The following SF3A3 variants were observed in gnomAD, a reference collection of about 807,000 sequenced individuals.
The protein encoded by SF3A3 is splicing factor 3a subunit 3.
In SF3A3, 9 loss-of-function variants were observed where a neutral mutation model predicts 85.8. The observed-to-expected ratio is 0.10, with a 90% CI of 0.06 to 0.18. The LOEUF is 0.18. Among genes scored for constraint, SF3A3 ranks in the 10% least tolerant of loss-of-function variants. The probability of loss-of-function intolerance (pLI) is 1.00; values close to 1 mark genes in which losing one functional copy is unlikely to be tolerated. For missense variants in SF3A3, 306 were observed against 593.3 expected (o/e 0.52, Z 5.03); for synonymous variants, 195 against 204.4 (o/e 0.95, Z 0.39).
At chr1:37,970,053 C>T (rs1646327813) in intron 12 of SF3A3, among the ~76,000 whole-genome samples, 1 of 152,046 alleles carries the variant, frequency 6.6e-6, no homozygotes, top group Admixed American at 6.6e-5. Flanking sequence ...GCCTGTAATC[C>T]CATCACTTTT....
intron 15 of SF3A3, among the ~76,000 whole-genome samples, chr1:37,964,048 G>A (rs529159038): frequency 1.5e-4 from 23 of 151,788 alleles, no homozygotes; most frequent in Admixed American, 7.2e-4. Context: ...GTGTGGTGGC[G>A]CACGCCTGTA....
At chr1:37,972,970 C>T (rs1432339604) in intron 12 of SF3A3, among the ~76,000 whole-genome samples, 6 of 152,122 alleles carry the variant, frequency 3.9e-5, no homozygotes, top group Admixed American at 1.3e-4. Context: ...CACCTGAGGT[C>T]GGGAGTTCGA....
chr1:37,986,990 CAG>C lies in SF3A3; in HGVS notation c.303+581_303+582del, dbSNP rs1237826421. On this transcript the variant is annotated intron_variant, in intron 4 of 16. Transcript: ENST00000373019. ...GAGCCATGGAGCAAAGATTATTCAT[CAG>C]AGGAGTCTCAGAGTGGACCAAATTG... 2.0e-5 allele frequency among the ~76,000 whole-genome samples: 3 copies of C among 152,128 alleles called. No homozygotes were observed. The South Asian group carries it at 6.2e-4, about 32-fold the overall frequency.
At chr1:37,960,028 C>T (rs1369621248) in intron 16 of SF3A3, 92 bp downstream of exon 16, 5 of 918,042 alleles carry the variant, frequency 5.4e-6, no homozygotes, top group South Asian at 4.1e-5. Flanking sequence ...TGCTGCAGTA[C>T]ACCAGGGACC....
At chr1:37,974,817 A>G (rs1418521443) in intron 12 of SF3A3, among the ~76,000 whole-genome samples, 1 of 152,138 alleles carries the variant, frequency 6.6e-6, no homozygotes, top group East Asian at 1.9e-4. Context: ...CCTCCCTCAT[A>G]AGCCATATTC....
Position 37,957,085 on chromosome 1 carries a change from G to A in SF3A3, c.*1101C>T, listed in dbSNP as rs1646222945. 2 of 152,194 alleles carry A rather than the reference G, an allele frequency of 1.3e-5. No homozygotes were observed. Among genetic ancestry groups the A allele is most frequent in the African/African-American group, 4.8e-5 (2 of 41,440 alleles). 9.4% of individuals were successfully genotyped at this position (152,194 alleles called of 1,614,324 possible). On this transcript the variant is annotated 3_prime_UTR_variant, in exon 17 of 17. Transcript: ENST00000373019. ...CAGCAGGCCTGACTTTCAGATGACT[G>A]TGCTTATAAGGCAGATCAGTGCCTT... is the stretch of plus-strand genomic sequence containing the variant.
In SF3A3 at chr1:37,981,540, A is replaced by G. The variant is rs376662847; in HGVS notation, c.551+189T>C. Among the ~76,000 whole-genome samples the G allele has an allele frequency of 7.2e-5, 11 of 152,278 alleles. No homozygotes were observed. In the East Asian group the frequency reaches 1.2e-3, roughly 16 times the overall value. On this transcript the variant is annotated intron_variant, in intron 7 of 16. Transcript: ENST00000373019. The stretch of plus-strand genomic sequence containing the variant: ...AGATGGAAGATGTGCCCACAGACAC[A>G]CCTTTGTCCACGTCCAGACTATCGC...
chr1:37,960,061 G>C lies in SF3A3; in HGVS notation c.1428+59C>G, dbSNP rs938847165. The C allele has an allele frequency of 2.2e-6, 3 of 1,375,862 alleles. No homozygotes were observed. The African/African-American group carries it at 4.3e-5, about 20-fold the overall frequency. The allele number at this position is 1,375,862 out of a possible 1,614,324, so 85.2% of individuals were successfully genotyped here. ...ACCATCTTTCACCTCCTTTCTACAT[G>C]GTGAGGGAGCTCTCTATCACTTGAC... On this transcript the variant is annotated intron_variant, in intron 16 of 16. Transcript: ENST00000373019.
chr1:37,981,871 C>T, intron 6 of SF3A3, 60 bp from the exon 7 acceptor site: 1 of 936,788 alleles, frequency 1.1e-6, no homozygotes, highest in Non-Finnish European at 1.7e-6. Context: ...TAACAAGTTA[C>T]AATATAATCT....
In SF3A3 at chr1:37,980,608, T is replaced by C; in HGVS notation, c.668A>G (p.Asn223Ser). The change falls in exon 8 of 17, where the codon AAT (asparagine) becomes AGT (serine). Residue 223 changes from asparagine to serine, a missense_variant. This residue lies in a region of SF3A3 where 136 missense variants were observed against 296.6 expected (regional missense o/e 0.46). Transcript: ENST00000373019. ...IQAEFEKKWENGTFPGWPKET... is the reference protein window; with the variant it reads ...IQAEFEKKWESGTFPGWPKET... ...CACCGGCCATCCAGGAAAGGTCCCA[T>C]TCTCCCATTTCTTCTCAAACTCAGC... The C allele has an allele frequency of 6.2e-7, 1 of 1,613,990 alleles. No homozygotes were observed. The highest frequency in any genetic ancestry group is 1.1e-5 in the South Asian group (1 of 91,076).
chr1:37,990,007 G>A lies in SF3A3; in HGVS notation c.-42C>T, dbSNP rs1036597743. The A allele has an allele frequency of 2.0e-6, 3 of 1,480,344 alleles. No homozygotes were observed. The highest frequency in any genetic ancestry group is 2.3e-5 in the East Asian group (1 of 44,226). 91.7% of individuals were successfully genotyped at this position (1,480,344 alleles called of 1,614,324 possible). On this transcript the variant is annotated 5_prime_UTR_variant, in exon 1 of 17. Coordinates refer to ENST00000373019, the MANE Select transcript of SF3A3 (RefSeq NM_006802.4). ...CTTCTCAATTCAGACCACCAACACG[G>A]CCGGAAGCAACTCCTGCCGCCCAGC...
chr1:37,983,203 G>T (rs1015630135), intron 6 of SF3A3, among the ~76,000 whole-genome samples: 1 of 148,652 alleles, frequency 6.7e-6, no homozygotes, highest in Non-Finnish European at 1.5e-5. Flanking sequence ...CTCCCAAAGT[G>T]CTAGGATTAC....
At chr1:37,983,699 C>T (rs1239873995) in intron 6 of SF3A3, among the ~76,000 whole-genome samples, 2 of 150,806 alleles carry the variant, frequency 1.3e-5, no homozygotes, top group Non-Finnish European at 2.9e-5. Flanking sequence ...CTGTGGGAGG[C>T]CGAGACAGGA....
rs1330941754 is a variant in SF3A3, at chr1:37,984,762, T to C, written c.321A>G (p.Ser107=). Residue 107 remains serine (S), a synonymous_variant, in exon 5 of 17, where the codon TCA becomes TCG. Coordinates refer to ENST00000373019, the MANE Select transcript of SF3A3 (RefSeq NM_006802.4). Reference sequence around the variant, plus strand: ...CCTTCAGGAGTTCCTCAAATTCCACTGACATTGGCACACAGATCTGAGGGG... The same window carrying C: ...CCTTCAGGAGTTCCTCAAATTCCACCGACATTGGCACACAGATCTGAGGGG... ...KHPNEICVPM[S]VEFEELLKAR... is the part of the protein sequence containing the mutation. 9.9e-6 allele frequency: 16 copies of C among 1,613,786 alleles called. No individual in the cohort carries two copies. The highest frequency in any genetic ancestry group is 1.4e-5 in the Non-Finnish European group (16 of 1,179,768).
At chr1:37,969,305 C>T (rs754454851) in intron 14 of SF3A3, 49 bp downstream of exon 14, 4 of 1,375,596 alleles carry the variant, frequency 2.9e-6, no homozygotes, top group African/African-American at 2.9e-5. Flanking sequence ...CTCTAAAAGT[C>T]TCATGTTTTT....
chr1:37,971,668 T>G (rs577167359), intron 12 of SF3A3, among the ~76,000 whole-genome samples: 1 of 152,324 alleles, frequency 6.6e-6, no homozygotes, highest in Admixed American at 6.5e-5. Context: ...ATGATCAAGT[T>G]GGCTTCATCC....
At chr1:37,980,182 T>C (rs1646407921) in intron 8 of SF3A3, among the ~76,000 whole-genome samples, 1 of 152,162 alleles carries the variant, frequency 6.6e-6, no homozygotes, top group African/African-American at 2.4e-5. Context: ...CCCAGCACTT[T>C]GGGAGGCCGA....
intron 15 of SF3A3, among the ~76,000 whole-genome samples, chr1:37,965,917 C>T (rs931398452): frequency 3.9e-5 from 6 of 152,042 alleles, no homozygotes; most frequent in Admixed American, 6.6e-5. Flanking sequence ...TATAAAAAGC[C>T]GGGATGGGCG....
At chr1:37,989,124 G>A (rs1646476489) in intron 2 of SF3A3, among the ~76,000 whole-genome samples, 1 of 151,698 alleles carries the variant, frequency 6.6e-6, no homozygotes, top group African/African-American at 2.4e-5. Context: ...TAGAAACTCC[G>A]TCTCTACTAA....
Sources: gnomAD v4.1 joint callset for allele counts (sites outside exome capture counted in the v4.1 genomes callset) on GRCh38, gnomAD v4.1.1 for gene constraint, gnomAD v4.1.1 regional missense constraint, MANE v1.5 for transcripts, NCBI Gene and HGNC (gene_info 2026-07-23, HGNC 2026-07-21) for gene names.